Variants in MYO5A observed in about 807,000 individuals in gnomAD.
The protein encoded by MYO5A is unconventional myosin-Va.
MYO5A carries 98 observed loss-of-function variants against 249.7 expected under a neutral mutation model. That is an observed-to-expected ratio of 0.39 (90% CI 0.33 to 0.46). MYO5A has a LOEUF of 0.46. Ranked by LOEUF, MYO5A falls within the 20% of genes least tolerant of loss-of-function variation. The pLI is 0.98. For synonymous variants in MYO5A, 778 were observed against 810.6 expected, an observed-to-expected ratio of 0.96 and a Z score of 0.68; for missense variants, 1,696 against 2,308.8, an observed-to-expected ratio of 0.73 and a Z score of 5.44.
At position 52,314,119 on chromosome 15, in the gene MYO5A, T is replaced by C. The variant is rs1024047480; in HGVS notation, c.5490+4A>G. 5 of 1,600,044 alleles carry C rather than the reference T, an allele frequency of 3.1e-6. 1 individual carries two copies. Among genetic ancestry groups the C allele is most frequent in the Middle Eastern group, 3.8e-4 (2 of 5,304 alleles). On this transcript the variant is annotated splice_donor_region_variant and intron_variant, in intron 41 of 41. Coordinates refer to ENST00000399233, the MANE Select transcript of MYO5A (RefSeq NM_001382347.1). ...GAATCAAAGAAGAAGATGGGAGCTCTTACCTGTATAGTACGAATGAACGAC... is the reference window on the plus strand; with the variant it reads ...GAATCAAAGAAGAAGATGGGAGCTCCTACCTGTATAGTACGAATGAACGAC...
chr15:52,353,818 T>C, intron 26 of MYO5A, 53 bp downstream of exon 26: 1 of 1,610,474 alleles, frequency 6.2e-7, no homozygotes, highest in African/African-American at 1.3e-5. Context: ...AAGAGACTGC[T>C]GAAATGGACA....
chr15:52,491,135 A>G (rs1164820639), intron 1 of MYO5A, among the ~76,000 whole-genome samples: 1 of 152,252 alleles, frequency 6.6e-6, no homozygotes. Flanking sequence ...AAATTTAAGT[A>G]TACATTTACA....
chr15:52,336,647 A>T (rs1051059953), intron 33 of MYO5A, 91 bp from the exon 34 acceptor site: 7 of 1,012,660 alleles, frequency 6.9e-6, no homozygotes, highest in Non-Finnish European at 1.0e-5. Flanking sequence ...CACAGAAACA[A>T]CACGTTAGTT....
At chr15:52,444,394 A>T (rs2075846433) in intron 1 of MYO5A, among the ~76,000 whole-genome samples, 1 of 152,232 alleles carries the variant, frequency 6.6e-6, no homozygotes, top group African/African-American at 2.4e-5. Flanking sequence ...TCATCACAGG[A>T]CTTTGATCAG....
At chr15:52,341,288 A>G (rs1383847478) in intron 31 of MYO5A, among the ~76,000 whole-genome samples, 2 of 152,254 alleles carry the variant, frequency 1.3e-5, no homozygotes, top group Non-Finnish European at 2.9e-5. Context: ...AATTTCCTAT[A>G]TATATTTTAG....
intron 24 of MYO5A, among the ~76,000 whole-genome samples, 161 bp from the exon 25 acceptor site, chr15:52,360,242 G>A (rs1304815065): frequency 6.6e-6 from 1 of 152,146 alleles, no homozygotes; most frequent in Non-Finnish European, 1.5e-5. Context: ...TTACAAAAAG[G>A]TCACCGCTTC....
chr15:52,375,783 G>C (rs926072225), intron 19 of MYO5A, among the ~76,000 whole-genome samples: 2 of 152,112 alleles, frequency 1.3e-5, no homozygotes, highest in South Asian at 2.1e-4. Flanking sequence ...ATTTACCCCA[G>C]GCCATGCCTC....
chr15:52,321,250 T>A, intron 38 of MYO5A, 109 bp downstream of exon 38: 1 of 1,445,832 alleles, frequency 6.9e-7, no homozygotes, highest in South Asian at 1.2e-5. Context: ...CTTACTACTT[T>A]ATGCTCCCCA....
intron 5 of MYO5A, 119 bp from the exon 6 acceptor site, chr15:52,410,595 T>TC (rs2043204857): frequency 9.6e-7 from 1 of 1,046,814 alleles, no homozygotes; most frequent in Non-Finnish European, 1.4e-6. Flanking sequence ...TTGATTTTTT[T>TC]TTTTTTTTTT....
intron 14 of MYO5A, among the ~76,000 whole-genome samples, chr15:52,386,539 T>C (rs1233856560): frequency 2.0e-5 from 3 of 151,996 alleles, no homozygotes; most frequent in Admixed American, 6.6e-5. Flanking sequence ...CCAGTGCCTG[T>C]TAGACACTTT....
chr15:52,441,190 GC>G (rs1310342884), intron 1 of MYO5A, among the ~76,000 whole-genome samples: 2 of 152,046 alleles, frequency 1.3e-5, no homozygotes, highest in Non-Finnish European at 2.9e-5. Context: ...CACATGATGA[GC>G]TCCCCAGAAA....
intron 1 of MYO5A, among the ~76,000 whole-genome samples, chr15:52,475,208 G>A (rs147396651): frequency 0.15 from 22,449 of 152,132 alleles, 1,787 homozygotes; most frequent in Middle Eastern, 0.22. Flanking sequence ...ATGGTAGTTT[G>A]TATCTCTGTG....
At chr15:52,339,034 T>A (rs1175664323) in intron 32 of MYO5A, among the ~76,000 whole-genome samples, 1 of 152,166 alleles carries the variant, frequency 6.6e-6, no homozygotes, top group Admixed American at 6.5e-5. Context: ...TTCAGAAAAT[T>A]TTCCCCACAA....
intron 1 of MYO5A, among the ~76,000 whole-genome samples, chr15:52,493,587 G>A (rs1422405296): frequency 3.3e-5 from 5 of 152,062 alleles, no homozygotes; most frequent in African/African-American, 9.7e-5. Flanking sequence ...GCTTGAAGCC[G>A]GGAGGCAGAG....
At chr15:52,416,535 A>T (rs557690003) in intron 4 of MYO5A, among the ~76,000 whole-genome samples, 2 of 151,496 alleles carry the variant, frequency 1.3e-5, no homozygotes, top group African/African-American at 4.9e-5. Flanking sequence ...GTTGAGGAGG[A>T]TATTTATTAT....
chr15:52,384,176 T>C lies in MYO5A; in HGVS notation c.1899A>G (p.Lys633=). ...RPGQMAKEHK[K]TVGHQFRNSL... Reference sequence around the variant, plus strand: ...CTGAACTCACCTGATGCCCCACTGTTTTCTTGTGCTCTTTGGCCATTTGGC... The same window carrying C: ...CTGAACTCACCTGATGCCCCACTGTCTTCTTGTGCTCTTTGGCCATTTGGC... The change falls in exon 15 of 42, where the codon AAA becomes AAG. Residue 633 remains lysine (K), a synonymous_variant. Transcript: ENST00000399233. 6.2e-7 allele frequency: 1 copy of C among 1,614,140 alleles called. No homozygotes were observed. Among genetic ancestry groups the C allele is most frequent in the Non-Finnish European group, 8.5e-7 (1 of 1,180,006 alleles).
At chr15:52,453,836 T>C (rs1442414280) in intron 1 of MYO5A, among the ~76,000 whole-genome samples, 3 of 152,166 alleles carry the variant, frequency 2.0e-5, no homozygotes, top group South Asian at 2.1e-4. Context: ...ATAAGTCTCA[T>C]GGTAACTACA....
intron 1 of MYO5A, among the ~76,000 whole-genome samples, chr15:52,459,895 C>T (rs565994128): frequency 1.5e-3 from 220 of 147,120 alleles, no homozygotes; most frequent in African/African-American, 5.2e-3. Context: ...CCAGACGGGG[C>T]GGTTGCCGGG....
Position 52,325,504 on chromosome 15 carries a change from C to T in MYO5A, c.4711-2060G>A, listed in dbSNP as rs146496959. Among the ~76,000 whole-genome samples, 291 of 150,982 alleles carry T rather than the reference C, an allele frequency of 1.9e-3. 1 individual carries two copies. The highest frequency in any genetic ancestry group is 6.4e-3 in the African/African-American group (262 of 41,040). On this transcript the variant is annotated intron_variant, in intron 36 of 41. Transcript: ENST00000399233. The stretch of plus-strand genomic sequence containing the variant: ...GCAGCTTTGACCTCACAGGCTCGAG[C>T]GATCCTCCTACCTCACCTTCCCAAG...
Sources: allele counts gnomAD v4.1 joint callset (sites outside exome capture counted in the v4.1 genomes callset), GRCh38; gene constraint gnomAD v4.1.1; transcripts MANE v1.5; gene names NCBI Gene and HGNC (gene_info 2026-07-23, HGNC 2026-07-21).